GANC: variants seen among roughly 807,000 people sequenced by gnomAD.
GANC encodes the protein neutral alpha-glucosidase C.
A neutral mutation model predicts 124.2 loss-of-function variants in GANC; 117 were observed. The observed-to-expected ratio is 0.94, with a 90% CI of 0.81 to 1.10. GANC has a LOEUF of 1.10. GANC is among the 50% of genes least tolerant of loss of function. The pLI, the probability that GANC is intolerant of heterozygous loss-of-function variation, is 0.00. For missense variants in GANC, 1,140 were observed against 1,095.0 expected, an observed-to-expected ratio of 1.04 and a Z score of -0.58; for synonymous variants, 377 against 376.8, an observed-to-expected ratio of 1.00 and a Z score of -0.01.
chr15:42,341,834 G>T (rs1437892596), intron 18 of GANC, among the ~76,000 whole-genome samples: 1 of 152,128 alleles, frequency 6.6e-6, no homozygotes, highest in Non-Finnish European at 1.5e-5. Context: ...AAAGTGCTGG[G>T]ATTACAGGTG....
chr15:42,314,111 A>G (rs764060270), intron 10 of GANC: 2 of 741,976 alleles, frequency 2.7e-6, no homozygotes, highest in Non-Finnish European at 4.9e-6. Context: ...CAGTCTGAGG[A>G]AGATACTGAG....
chr15:42,279,796 A>G (rs945143758), intron 3 of GANC, among the ~76,000 whole-genome samples: 1 of 152,156 alleles, frequency 6.6e-6, no homozygotes, highest in African/African-American at 2.4e-5. Context: ...CAACTCACTA[A>G]CAAGTCCCAG....
At chr15:42,351,987 G>A in intron 23 of GANC, 43 bp from the exon 24 acceptor site, 1 of 1,611,158 alleles carries the variant, frequency 6.2e-7, no homozygotes, top group Non-Finnish European at 8.5e-7. Flanking sequence ...TTCCCTTCTA[G>A]AGATTCATCA....
chr15:42,279,821 C>T (rs749220711), intron 3 of GANC, among the ~76,000 whole-genome samples: 21 of 152,274 alleles, frequency 1.4e-4, no homozygotes, highest in Middle Eastern at 3.4e-3. Context: ...GGGAAGCTGA[C>T]GTTCGTGGCA....
chr15:42,303,149 C>A (rs762211128), intron 6 of GANC, among the ~76,000 whole-genome samples: 4 of 152,178 alleles, frequency 2.6e-5, no homozygotes, highest in Non-Finnish European at 5.9e-5. Flanking sequence ...AGACTAACAC[C>A]GGATCTCTCT....
At chr15:42,330,306 T>C (rs1277444312) in intron 14 of GANC, among the ~76,000 whole-genome samples, 3 of 152,210 alleles carry the variant, frequency 2.0e-5, no homozygotes, top group Non-Finnish European at 4.4e-5. Flanking sequence ...TTATATTAAA[T>C]GCCTAGCAAT....
intron 6 of GANC, among the ~76,000 whole-genome samples, chr15:42,301,570 C>T (rs1252154226): frequency 6.6e-6 from 1 of 152,052 alleles, no homozygotes; most frequent in Admixed American, 6.6e-5. Context: ...GTGGATCCCA[C>T]CCCCACAGAA....
chr15:42,326,115 G>A (rs2052196315), intron 11 of GANC, among the ~76,000 whole-genome samples, 183 bp from the exon 12 acceptor site: 1 of 152,226 alleles, frequency 6.6e-6, no homozygotes, highest in Non-Finnish European at 1.5e-5. Context: ...AAAGGTTATA[G>A]GGTTTTACTG....
intron 6 of GANC, among the ~76,000 whole-genome samples, chr15:42,305,573 G>T (rs4494504): frequency 8.6e-5 from 13 of 152,040 alleles, no homozygotes; most frequent in East Asian, 1.9e-4. Flanking sequence ...AAATACCATC[G>T]GACCCAGCCA....
intron 10 of GANC, among the ~76,000 whole-genome samples, chr15:42,311,159 C>G (rs2052046628): frequency 6.6e-6 from 1 of 152,162 alleles, no homozygotes; most frequent in African/African-American, 2.4e-5. Flanking sequence ...ATGTTTTCTT[C>G]TCCATTAAAA....
intron 13 of GANC, among the ~76,000 whole-genome samples, chr15:42,329,014 G>T (rs930285770): frequency 6.6e-6 from 1 of 152,188 alleles, no homozygotes; most frequent in Non-Finnish European, 1.5e-5. Flanking sequence ...GTCTTGGAAT[G>T]AATTTGCCAG....
chr15:42,322,448 GAGAA>G (rs2052167899), intron 11 of GANC, among the ~76,000 whole-genome samples: 1 of 152,198 alleles, frequency 6.6e-6, no homozygotes, highest in Non-Finnish European at 1.5e-5. Context: ...TGAGAGAACT[GAGAA>G]AGGAGATTGG....
At chr15:42,340,014 T>C (rs1305679075) in intron 17 of GANC, 102 bp downstream of exon 17, 1 of 1,411,002 alleles carries the variant, frequency 7.1e-7, no homozygotes, top group Non-Finnish European at 9.6e-7. Context: ...AAGAGAAAGG[T>C]GAAGAAAAGC....
chr15:42,302,360 G>A (rs151007287), intron 6 of GANC, among the ~76,000 whole-genome samples: 10 of 152,250 alleles, frequency 6.6e-5, no homozygotes, highest in African/African-American at 9.6e-5. Flanking sequence ...CACCAACATC[G>A]AAGAGCAAAG....
At chr15:42,314,396 A>T in intron 10 of GANC, 1 of 443,578 alleles carries the variant, frequency 2.3e-6, no homozygotes, top group Non-Finnish European at 4.1e-6. Flanking sequence ...TTTGATGAAT[A>T]ATTTGAATCC....
intron 6 of GANC, among the ~76,000 whole-genome samples, chr15:42,305,575 AC>A (rs2051987402): frequency 6.6e-6 from 1 of 152,208 alleles, no homozygotes; most frequent in Non-Finnish European, 1.5e-5. Context: ...ATACCATCGG[AC>A]CCAGCCATCC....
In GANC at chr15:42,353,281, A is replaced by G. The variant is rs3825785; in HGVS notation, c.*1142A>G. 64,939 of 985,952 alleles carry G rather than the reference A, an allele frequency of 0.066. 2,800 individuals carry two copies. Among genetic ancestry groups the G allele is most frequent in the Admixed American group, 0.2 (3,215 of 16,272 alleles). The allele number at this position is 985,952 out of a possible 1,614,324, so 61.1% of individuals were successfully genotyped here. On this transcript the variant is annotated 3_prime_UTR_variant, in exon 24 of 24. Transcript: ENST00000318010. ...CTTATCAGGCTTCCTCCACTTAGCA[A>G]CTTGCTAACGGCCACCTCTGTGCCT...
At chr15:42,316,585 C>T in intron 10 of GANC, among the ~76,000 whole-genome samples, 1 of 152,218 alleles carries the variant, frequency 6.6e-6, no homozygotes, top group Middle Eastern at 3.2e-3. Flanking sequence ...CCGCTATCTA[C>T]TATGAACTTA....
At chr15:42,282,511 T>TA (rs1384824899) in intron 3 of GANC, among the ~76,000 whole-genome samples, 1 of 152,180 alleles carries the variant, frequency 6.6e-6, no homozygotes, top group Non-Finnish European at 1.5e-5. Flanking sequence ...GCCCAGAGTC[T>TA]AAGAGGATCA....
Sources: allele counts gnomAD v4.1 joint callset (sites outside exome capture counted in the v4.1 genomes callset), GRCh38; gene constraint gnomAD v4.1.1; transcripts MANE v1.5; gene names NCBI Gene and HGNC (gene_info 2026-07-23, HGNC 2026-07-21).